ATRNL1: variants seen among roughly 807,000 people sequenced by gnomAD.
ATRNL1 encodes the protein attractin-like protein 1.
ATRNL1 carries 95 observed loss-of-function variants against 182.7 expected under a neutral mutation model. The ratio of observed to expected loss-of-function variants is 0.52; its 90% CI spans 0.44 to 0.62. The LOEUF is 0.62. ATRNL1 is among the 20% of genes least tolerant of loss of function. The probability of loss-of-function intolerance (pLI) is 0.00; values close to 1 mark genes in which losing one functional copy is unlikely to be tolerated. For synonymous variants in ATRNL1, 576 were observed against 568.3 expected, an observed-to-expected ratio of 1.01 and a Z score of -0.19; for missense variants, 1,471 against 1,679.5, an observed-to-expected ratio of 0.88 and a Z score of 2.17.
chr10:115,378,397 A>G lies in ATRNL1; in HGVS notation c.3176-16262A>G, dbSNP rs1268657580. Among the ~76,000 whole-genome samples the G allele has an allele frequency of 2.6e-5, 4 of 152,168 alleles. No individual in the cohort carries two copies. In the East Asian group the frequency reaches 7.7e-4, roughly 29 times the overall value. ...GGGCCATTTCAGGTTCTACTGTGGA[A>G]CTAAAGTTGATAAGCCTGTCCTGGG... On this transcript the variant is annotated intron_variant, in intron 19 of 28. Transcript: ENST00000355044.
At chr10:115,713,705 C>CTATCTATCTATCTATCATCTATCT (rs1555055340) in intron 26 of ATRNL1, among the ~76,000 whole-genome samples, 122 of 101,266 alleles carry the variant, frequency 1.2e-3, no homozygotes, top group Non-Finnish European at 1.8e-3. Context: ...ATCTATCTAT[C>CTATCTATCTATCTATCATCTATCT]ATCTATCTAT....
intron 26 of ATRNL1, among the ~76,000 whole-genome samples, chr10:115,663,172 A>G (rs1440653124): frequency 6.6e-6 from 1 of 152,010 alleles, no homozygotes; most frequent in Non-Finnish European, 1.5e-5. Context: ...CAATACTATG[A>G]ATTATTATTA....
chr10:115,224,171 G>C (rs1003951622), intron 9 of ATRNL1, among the ~76,000 whole-genome samples: 4 of 151,216 alleles, frequency 2.6e-5, no homozygotes, highest in East Asian at 1.9e-4. Flanking sequence ...TCTTGACCTC[G>C]TGATCTGCCC....
At chr10:115,472,118 C>T (rs1269803450) in intron 24 of ATRNL1, among the ~76,000 whole-genome samples, 1 of 150,864 alleles carries the variant, frequency 6.6e-6, no homozygotes, top group Non-Finnish European at 1.5e-5. Flanking sequence ...GTTTCCTTTA[C>T]TATTTATTCC....
chr10:115,905,093 C>T (rs944005750), intron 28 of ATRNL1, among the ~76,000 whole-genome samples: 3 of 152,102 alleles, frequency 2.0e-5, no homozygotes. Flanking sequence ...CTGGCACTTA[C>T]CCAAACGAGA....
intron 26 of ATRNL1, among the ~76,000 whole-genome samples, chr10:115,721,794 A>G (rs1405564474): frequency 1.3e-5 from 2 of 152,192 alleles, no homozygotes; most frequent in Admixed American, 1.3e-4. Context: ...TTTGAAATCT[A>G]TATTTTAATC....
intron 19 of ATRNL1, among the ~76,000 whole-genome samples, chr10:115,389,068 C>T (rs1248293644): frequency 6.6e-6 from 1 of 152,138 alleles, no homozygotes; most frequent in African/African-American, 2.4e-5. Flanking sequence ...TTCCATCGCT[C>T]CTAACCCTGG....
Position 115,153,442 on chromosome 10 carries a change from G to T in ATRNL1, c.830-6598G>T, listed in dbSNP as rs369309765. Among the ~76,000 whole-genome samples, 17 of 152,244 alleles carry T rather than the reference G, an allele frequency of 1.1e-4. No homozygotes were observed. The South Asian group carries it at 3.5e-3, about 32-fold the overall frequency. On this transcript the variant is annotated intron_variant, in intron 5 of 28. Coordinates refer to ENST00000355044, the MANE Select transcript of ATRNL1 (RefSeq NM_207303.4). ...ACTTCTTCCTGGTTTAGTCTTGGGAGGGTGTATGTGTCCAGGAATTTATCC... is the reference window on the plus strand; with the variant it reads ...ACTTCTTCCTGGTTTAGTCTTGGGATGGTGTATGTGTCCAGGAATTTATCC...
At chr10:115,770,105 C>T (rs1948950922) in intron 27 of ATRNL1, among the ~76,000 whole-genome samples, 1 of 151,602 alleles carries the variant, frequency 6.6e-6, no homozygotes, top group Non-Finnish European at 1.5e-5. Flanking sequence ...TTCAGAAAAC[C>T]TGGGTCTAGG....
At chr10:115,760,954 T>G (rs1292824584) in intron 27 of ATRNL1, among the ~76,000 whole-genome samples, 1 of 152,192 alleles carries the variant, frequency 6.6e-6, no homozygotes, top group Non-Finnish European at 1.5e-5. Flanking sequence ...GTCAATAGAT[T>G]CTTTTTTACT....
At chr10:115,619,131 G>A (rs1330596235) in intron 26 of ATRNL1, among the ~76,000 whole-genome samples, 2 of 152,158 alleles carry the variant, frequency 1.3e-5, no homozygotes, top group African/African-American at 4.8e-5. Flanking sequence ...GGTTGTGGTT[G>A]TTTGTGTAGG....
intron 24 of ATRNL1, among the ~76,000 whole-genome samples, chr10:115,481,970 T>G (rs1848790443): frequency 6.6e-6 from 1 of 150,936 alleles, no homozygotes; most frequent in Non-Finnish European, 1.5e-5. Context: ...AGTACTATAT[T>G]TTGGGTTTGA....
intron 27 of ATRNL1, among the ~76,000 whole-genome samples, chr10:115,744,559 A>C (rs1555068644): frequency 1.3e-5 from 2 of 152,098 alleles, no homozygotes; most frequent in Admixed American, 1.3e-4. Flanking sequence ...GAATACTTTT[A>C]ATTCATCTAA....
chr10:115,730,100 T>A (rs1296393541), intron 27 of ATRNL1, among the ~76,000 whole-genome samples: 1 of 151,102 alleles, frequency 6.6e-6, no homozygotes. Flanking sequence ...CTACTGAAAA[T>A]ACAAAAATTA....
At chr10:115,810,785 G>A (rs1390907730) in intron 27 of ATRNL1, among the ~76,000 whole-genome samples, 1 of 151,704 alleles carries the variant, frequency 6.6e-6, no homozygotes, top group Non-Finnish European at 1.5e-5. Context: ...TTTATTGGCA[G>A]TCTCTTATCT....
chr10:115,343,577 A>AT (rs1855844279), intron 19 of ATRNL1, among the ~76,000 whole-genome samples: 1 of 152,082 alleles, frequency 6.6e-6, no homozygotes. Context: ...CAGGTATTTT[A>AT]AATTCTCTGT....
At chr10:115,879,279 C>T (rs79510694) in intron 28 of ATRNL1, among the ~76,000 whole-genome samples, 3,420 of 130,914 alleles carry the variant, frequency 0.026, 126 homozygotes, top group African/African-American at 0.092. Flanking sequence ...TGCAGTCCAG[C>T]CTGGGTGACG....
intron 26 of ATRNL1, among the ~76,000 whole-genome samples, chr10:115,670,009 T>C (rs1945645653): frequency 6.6e-6 from 1 of 152,076 alleles, no homozygotes; most frequent in Admixed American, 6.6e-5. Context: ...ATTTGATAGA[T>C]GTAAAAAATA....
intron 25 of ATRNL1, among the ~76,000 whole-genome samples, chr10:115,548,905 C>T (rs1207567738): frequency 2.6e-5 from 4 of 151,990 alleles, no homozygotes; most frequent in Non-Finnish European, 4.4e-5. Flanking sequence ...TGTCTCTAGA[C>T]ATTGCCAAAT....
Sources: gnomAD v4.1 joint callset for allele counts (sites outside exome capture counted in the v4.1 genomes callset) on GRCh38, gnomAD v4.1.1 for gene constraint, MANE v1.5 for transcripts, NCBI Gene and HGNC (gene_info 2026-07-23, HGNC 2026-07-21) for gene names.